Variants in TMEM123 observed in about 807,000 individuals in gnomAD.
TMEM123 encodes transmembrane protein 123.
Under a neutral mutation model 19.7 loss-of-function variants are expected in TMEM123, and 16 were observed. That is an observed-to-expected ratio of 0.81 (90% CI 0.55 to 1.23). The LOEUF is 1.23. Ranked by LOEUF, TMEM123 falls within the 50% of genes most tolerant of loss-of-function variation. The pLI is 0.00. For synonymous variants in TMEM123, 118 were observed against 99.4 expected, an observed-to-expected ratio of 1.19 and a Z score of -1.12; for missense variants, 313 against 257.8, an observed-to-expected ratio of 1.21 and a Z score of -1.47.
Position 102,425,294 on chromosome 11 carries a change from C to T in TMEM123, c.158-23088G>A, listed in dbSNP as rs1050665604. ...AAGGATGAAACACCTTGAACAACAA[C>T]GCTTGGCAACAGCATCATGCTCAAC... On this transcript the variant is annotated intron_variant, in intron 2 of 4. Coordinates refer to ENST00000398136, the MANE Select transcript of TMEM123 (RefSeq NM_052932.3). 9.2e-5 allele frequency among the ~76,000 whole-genome samples: 14 copies of T among 152,306 alleles called. No individual in the cohort carries two copies. The East Asian group carries it at 9.6e-4, about 10-fold the overall frequency.
intron 2 of TMEM123, among the ~76,000 whole-genome samples, chr11:102,404,108 T>G (rs1239380450): frequency 6.6e-6 from 1 of 152,072 alleles, no homozygotes; most frequent in Non-Finnish European, 1.5e-5. Context: ...ATACTTAAGG[T>G]ACACAGAATT....
At position 102,396,897 on chromosome 11, in the gene TMEM123, A is replaced by G. The variant is rs1403487320; in HGVS notation, c.*1970T>C. The G allele has an allele frequency of 1.3e-5, 2 of 152,248 alleles. No individual in the cohort carries two copies. The highest frequency in any genetic ancestry group is 2.9e-5 in the Non-Finnish European group (2 of 68,032). The allele number at this position is 152,248 out of a possible 1,614,324, so 9.4% of individuals were successfully genotyped here. ...TAAAGAAACAAGTATTCAAAAAGAAACTTCAGGTCGGTCTACGAAGTTCTG... is the reference window on the plus strand; with the variant it reads ...TAAAGAAACAAGTATTCAAAAAGAAGCTTCAGGTCGGTCTACGAAGTTCTG... On this transcript the variant is annotated 3_prime_UTR_variant, in exon 5 of 5. Coordinates refer to ENST00000398136, the MANE Select transcript of TMEM123 (RefSeq NM_052932.3).
chr11:102,400,663 G>A (rs1951904728), intron 4 of TMEM123, among the ~76,000 whole-genome samples: 1 of 152,226 alleles, frequency 6.6e-6, no homozygotes, highest in Admixed American at 6.5e-5. Flanking sequence ...AAGGTAGTTA[G>A]GTCGTGAGGG....
chr11:102,449,106 A>G (rs1857912816), intron 1 of TMEM123: 2 of 423,676 alleles, frequency 4.7e-6, no homozygotes, highest in Non-Finnish European at 4.4e-6. Flanking sequence ...ACACTTACAT[A>G]GTACTTACTA....
At chr11:102,429,306 A>C (rs1228640627) in intron 2 of TMEM123, among the ~76,000 whole-genome samples, 1 of 152,216 alleles carries the variant, frequency 6.6e-6, no homozygotes, top group Non-Finnish European at 1.5e-5. Context: ...TGAAATTTAA[A>C]TCTGGGATGA....
chr11:102,407,974 G>A (rs573456315), intron 2 of TMEM123, among the ~76,000 whole-genome samples: 3 of 152,284 alleles, frequency 2.0e-5, no homozygotes, highest in African/African-American at 7.2e-5. Context: ...TGGCACTAGT[G>A]ATTCTATTGA....
chr11:102,443,725 A>G (rs1857851761), intron 2 of TMEM123, among the ~76,000 whole-genome samples: 1 of 152,208 alleles, frequency 6.6e-6, no homozygotes, highest in Admixed American at 6.5e-5. Context: ...GAGCTTTTGC[A>G]TGGCAAAAGA....
chr11:102,444,269 T>C (rs1857858826), intron 2 of TMEM123, among the ~76,000 whole-genome samples: 1 of 152,164 alleles, frequency 6.6e-6, no homozygotes, highest in African/African-American at 2.4e-5. Context: ...GTGGCACTAT[T>C]CACAATAGCA....
chr11:102,418,179 A>C (rs1176283654), intron 2 of TMEM123, among the ~76,000 whole-genome samples: 1 of 152,188 alleles, frequency 6.6e-6, no homozygotes, highest in Non-Finnish European at 1.5e-5. Context: ...ACAAAAGCTA[A>C]AGTTGAAAAG....
rs200573981 is a variant in TMEM123 at position 102,452,581 on chromosome 11, C to A, written c.43G>T (p.Gly15Trp). Reference protein sequence around the residue: ...ARGAWAALLLGTLQVLALLGA... With the variant: ...ARGAWAALLLWTLQVLALLGA... ...AGCAGCGCTAGCACCTGCAGCGTCCCCAGGAGCAGCGCGGCCCAAGCACCT... is the reference window on the plus strand; with the variant it reads ...AGCAGCGCTAGCACCTGCAGCGTCCACAGGAGCAGCGCGGCCCAAGCACCT... Residue 15 changes from glycine (G) to tryptophan (W), a missense_variant, in exon 1 of 5, where the codon GGG becomes TGG. Physicochemically the swap from Gly to Trp is radical, Grantham distance 184. Transcript: ENST00000398136. The A allele has an allele frequency of 5.0e-5, 78 of 1,572,460 alleles. No individual in the cohort carries two copies. The Admixed American group carries it at 1.0e-3, about 20-fold the overall frequency.
intron 2 of TMEM123, among the ~76,000 whole-genome samples, chr11:102,431,549 C>T (rs981496139): frequency 6.6e-6 from 1 of 152,152 alleles, no homozygotes; most frequent in Admixed American, 6.5e-5. Flanking sequence ...CCTTTTTCCC[C>T]ACCCTGCAGC....
chr11:102,435,607 C>G (rs771026761), intron 2 of TMEM123, among the ~76,000 whole-genome samples: 2 of 151,910 alleles, frequency 1.3e-5, no homozygotes, highest in Non-Finnish European at 2.9e-5. Context: ...AAATATATGT[C>G]CACGCAAAAG....
At chr11:102,409,242 A>T (rs1306554150) in intron 2 of TMEM123, among the ~76,000 whole-genome samples, 1 of 152,108 alleles carries the variant, frequency 6.6e-6, no homozygotes, top group Non-Finnish European at 1.5e-5. Context: ...ATAAACCATA[A>T]ATTTCTGGTG....
Position 102,401,695 on chromosome 11 carries a change from A to G in TMEM123, c.449-3T>C. On this transcript the variant is annotated splice_polypyrimidine_tract_variant and splice_region_variant and intron_variant, in intron 3 of 4. Coordinates refer to ENST00000398136, the MANE Select transcript of TMEM123 (RefSeq NM_052932.3). ...TTCAGAATGCATAGTTGTTGTGACT[A>G]GAACAAAAGAAAACAAAAAAGGGCT... The G allele has an allele frequency of 6.4e-7, 1 of 1,572,424 alleles. No homozygotes were observed.
At chr11:102,417,659 T>A (rs1490249651) in intron 2 of TMEM123, among the ~76,000 whole-genome samples, 2 of 152,002 alleles carry the variant, frequency 1.3e-5, no homozygotes, top group Non-Finnish European at 1.5e-5. Flanking sequence ...TTCATATGGA[T>A]CCAAAAGAGA....
Position 102,402,213 on chromosome 11 carries a change from T to C in TMEM123, c.158-7A>G. ...GGCACATGTTGGAGAGTCTCTGCAATAATATCAAGAAACATTAAAACCAGA... is the reference window on the plus strand; with the variant it reads ...GGCACATGTTGGAGAGTCTCTGCAACAATATCAAGAAACATTAAAACCAGA... On this transcript the variant is annotated splice_region_variant and splice_polypyrimidine_tract_variant and intron_variant, in intron 2 of 4. Transcript: ENST00000398136. 28 of 1,611,204 alleles carry C rather than the reference T, an allele frequency of 1.7e-5. No individual in the cohort carries two copies. Among genetic ancestry groups the C allele is most frequent in the Non-Finnish European group, 2.4e-5 (28 of 1,178,100 alleles).
chr11:102,413,558 A>G (rs1208219182), intron 2 of TMEM123, among the ~76,000 whole-genome samples: 1 of 152,166 alleles, frequency 6.6e-6, no homozygotes, highest in African/African-American at 2.4e-5. Context: ...GAGGGGCCAG[A>G]AAACAAAGCT....
intron 2 of TMEM123, among the ~76,000 whole-genome samples, chr11:102,436,409 C>T (rs985929271): frequency 3.9e-5 from 6 of 152,044 alleles, no homozygotes; most frequent in Admixed American, 2.0e-4. Flanking sequence ...GTGATCCGCC[C>T]GCCTCAGCCT....
chr11:102,428,604 G>GC (rs1291667685), intron 2 of TMEM123, among the ~76,000 whole-genome samples: 15 of 149,566 alleles, frequency 1.0e-4, no homozygotes, highest in South Asian at 4.2e-4. Context: ...AGTGTGCCCG[G>GC]CCCCCCCAAA....
Sources: gnomAD v4.1 joint callset for allele counts (sites outside exome capture counted in the v4.1 genomes callset) on GRCh38, gnomAD v4.1.1 for gene constraint, MANE v1.5 for transcripts, NCBI Gene and HGNC (gene_info 2026-07-23, HGNC 2026-07-21) for gene names.